Variants in ZNF766 observed in about 807,000 individuals in gnomAD.
ZNF766 encodes the protein zinc finger protein 766.
Under a neutral mutation model 13.2 loss-of-function variants are expected in ZNF766, and 13 were observed. The observed-to-expected ratio is 0.98, with a 90% CI of 0.64 to 1.56. ZNF766 has a LOEUF of 1.56. Among genes scored for constraint, ZNF766 ranks in the 40% most tolerant of loss-of-function variants. ZNF766 has a pLI of 0.00. For synonymous variants in ZNF766, 178 were observed against 187.6 expected (o/e 0.95, Z 0.42); for missense variants, 521 against 552.2 (o/e 0.94, Z 0.57).
rs1242062550 is a variant in ZNF766 at position 52,275,710 on chromosome 19, C to T, written c.18+6079C>T. The T allele has an allele frequency of 4.8e-5, 7 of 144,792 alleles. No individual in the cohort carries two copies. The Admixed American group carries it at 5.0e-4, about 10-fold the overall frequency. The allele number at this position is 144,792 out of a possible 1,614,324, so 9.0% of individuals were successfully genotyped here. ...TTTTTTTTTGAGACAGAATCTCACT[C>T]TGTCACCCAGGCCGGAGTGCAGTGC... On this transcript the variant is annotated intron_variant, in intron 1 of 3. Coordinates refer to ENST00000439461, the MANE Select transcript of ZNF766 (RefSeq NM_001010851.3).
chr19:52,285,837 T>C (rs1215930304), intron 3 of ZNF766, among the ~76,000 whole-genome samples: 1 of 152,160 alleles, frequency 6.6e-6, no homozygotes, highest in Non-Finnish European at 1.5e-5. Context: ...GGAGAGGTTA[T>C]TTTTCTTAAG....
In ZNF766 at chr19:52,296,008, GTTGAGT is replaced by G. The variant is rs1982331310; in HGVS notation, c.*4813_*4818del. On this transcript the variant is annotated 3_prime_UTR_variant, in exon 4 of 4. Coordinates refer to ENST00000439461, the MANE Select transcript of ZNF766 (RefSeq NM_001010851.3). ...GGGGTAATTTCACATTTTTTTCTAT[GTTGAGT>G]TTATCAATAAATTGATATTGTATAT... 1 of 151,694 alleles carries G rather than the reference GTTGAGT, an allele frequency of 6.6e-6. No individual in the cohort carries two copies. The highest frequency in any genetic ancestry group is 2.4e-5 in the African/African-American group (1 of 41,248). 9.4% of individuals were successfully genotyped at this position (151,694 alleles called of 1,614,324 possible). A position where few individuals can be genotyped will look rare whatever the true frequency, so the allele number is the denominator to read the frequency against.
chr19:52,282,716 A>T (rs1274866027), intron 2 of ZNF766: 1 of 154,862 alleles, frequency 6.5e-6, no homozygotes, highest in Non-Finnish European at 1.4e-5. Context: ...CTTTCTTCAG[A>T]CATTCTGTAT....
At chr19:52,275,277 TA>T (rs1044834375) in intron 1 of ZNF766, among the ~76,000 whole-genome samples, 10 of 151,406 alleles carry the variant, frequency 6.6e-5, no homozygotes, top group African/African-American at 1.5e-4. Context: ...TTAAAAAGGT[TA>T]AAAAAAAATT....
chr19:52,288,114 A>G (rs28720915), intron 3 of ZNF766: 16,373 of 341,924 alleles, frequency 0.048, 1,279 homozygotes, highest in African/African-American at 0.23. Flanking sequence ...TCCGCCTCCC[A>G]GGTTCAAGCA....
chr19:52,289,816 C>T (rs374671769), intron 3 of ZNF766, among the ~76,000 whole-genome samples: 8 of 152,012 alleles, frequency 5.3e-5, no homozygotes, highest in Non-Finnish European at 1.0e-4. Flanking sequence ...CTGGCTAACA[C>T]AGTGAAACCC....
chr19:52,278,825 G>C (rs1981343427), intron 1 of ZNF766, among the ~76,000 whole-genome samples: 1 of 152,222 alleles, frequency 6.6e-6, no homozygotes, highest in Non-Finnish European at 1.5e-5. Flanking sequence ...TCTGTAGGTT[G>C]TCTGCTCACT....
intron 1 of ZNF766, 72 bp from the exon 2 acceptor site, chr19:52,282,039 C>T: frequency 6.5e-7 from 1 of 1,548,182 alleles, no homozygotes; most frequent in Non-Finnish European, 8.8e-7. Context: ...GTCCTTACAA[C>T]CCTCTTCTCA....
At chr19:52,271,377 G>C (rs1236257387) in intron 1 of ZNF766, among the ~76,000 whole-genome samples, 1 of 152,082 alleles carries the variant, frequency 6.6e-6, no homozygotes, top group East Asian at 1.9e-4. Flanking sequence ...CAGAGAACTG[G>C]TCAGTATGCG....
At position 52,290,269 on chromosome 19, in the gene ZNF766, A is replaced by G. The variant is rs755159538; in HGVS notation, c.478A>G (p.Ile160Val). The stretch of plus-strand genomic sequence containing the variant: ...AATTTACTCTGGGGTCAAAACCCAC[A>G]TATTTAATAAACATAGGAATGATTT... ...QRIYSGVKTH[I>V]FNKHRNDFVD... Residue 160 changes from isoleucine (I) to valine (V), a missense_variant, in exon 4 of 4, where the codon ATA (isoleucine) becomes GTA (valine). Coordinates refer to ENST00000439461, the MANE Select transcript of ZNF766 (RefSeq NM_001010851.3). 1 of 1,613,758 alleles carries G rather than the reference A, an allele frequency of 6.2e-7. No homozygotes were observed. The highest frequency in any genetic ancestry group is 8.5e-7 in the Non-Finnish European group (1 of 1,179,898).
In ZNF766 at chr19:52,283,311, A is replaced by G. The variant is rs768599205; in HGVS notation, c.172A>G (p.Ile58Val). 14 of 1,613,828 alleles carry G rather than the reference A, an allele frequency of 8.7e-6. No homozygotes were observed. The highest frequency in any genetic ancestry group is 1.1e-5 in the Non-Finnish European group (13 of 1,179,918). The change falls in exon 3 of 4, where the codon ATC becomes GTC. Residue 58 changes from isoleucine (I) to valine (V), a missense_variant. Transcript: ENST00000439461. ...LGICLPDLSIISMMKQRTEPW... is the reference protein window; with the variant it reads ...LGICLPDLSIVSMMKQRTEPW... ...AATCTGTCTTCCTGACCTGAGTATT[A>G]TCTCCATGATGAAGCAAAGGACAGA... is the stretch of plus-strand genomic sequence containing the variant.
In ZNF766 at chr19:52,295,749, T is replaced by C. The variant is rs889392129; in HGVS notation, c.*4551T>C. Reference sequence around the variant, plus strand: ...TTATTTATTTTTTTGAGATGGAGTTTCACTCTTGTTGCCTAAGCTGGAGTG... The same window carrying C: ...TTATTTATTTTTTTGAGATGGAGTTCCACTCTTGTTGCCTAAGCTGGAGTG... On this transcript the variant is annotated 3_prime_UTR_variant, in exon 4 of 4. Transcript: ENST00000439461. 6.6e-6 allele frequency: 1 copy of C among 152,154 alleles called. No homozygotes were observed. The highest frequency in any genetic ancestry group is 1.9e-4 in the East Asian group (1 of 5,202). The allele number at this position is 152,154 out of a possible 1,614,324, so 9.4% of individuals were successfully genotyped here.
Position 52,291,073 on chromosome 19 carries a change from A to T in ZNF766, c.1282A>T (p.Asn428Tyr). 1 of 1,614,088 alleles carries T rather than the reference A, an allele frequency of 6.2e-7. No individual in the cohort carries two copies. Among genetic ancestry groups the T allele is most frequent in the Middle Eastern group, 1.6e-4 (1 of 6,062 alleles). ...KVFTQNSHLANHQRIHTGEKP... is the reference protein window; with the variant it reads ...KVFTQNSHLAYHQRIHTGEKP... ...CTTCACTCAGAATTCACACCTTGCA[A>T]ATCATCAGAGAATCCACACTGGAGA... The change falls in exon 4 of 4, where the codon AAT (asparagine) becomes TAT (tyrosine). Residue 428 changes from asparagine to tyrosine, a missense_variant. By Grantham distance (143) the Asn-to-Tyr change is moderately radical. Coordinates refer to ENST00000439461, the MANE Select transcript of ZNF766 (RefSeq NM_001010851.3).
chr19:52,290,811 A>G lies in ZNF766; in HGVS notation c.1020A>G (p.Ser340=), dbSNP rs762813347. The G allele has an allele frequency of 2.3e-5, 37 of 1,613,898 alleles. No individual in the cohort carries two copies. The highest frequency in any genetic ancestry group is 2.9e-5 in the Non-Finnish European group (34 of 1,179,918). Residue 340 remains serine, a synonymous_variant, in exon 4 of 4, where the codon TCA becomes TCG. Coordinates refer to ENST00000439461, the MANE Select transcript of ZNF766 (RefSeq NM_001010851.3). ...GTGGCAAAGAATTTAGTGGGCATTC[A>G]AGCCTCACCACCCATCTGTTAATCC... ...NKCGKEFSGH[S]SLTTHLLIHT...
rs555048934 is a variant in ZNF766 at position 52,291,434 on chromosome 19, C to T, written c.*236C>T. The T allele has an allele frequency of 1.3e-4, 58 of 443,998 alleles. 1 individual carries two copies. In the South Asian group the frequency reaches 1.8e-3, roughly 14 times the overall value. The allele number at this position is 443,998 out of a possible 1,614,324, so 27.5% of individuals were successfully genotyped here. A position where few individuals can be genotyped will look rare whatever the true frequency, so the allele number is the denominator to read the frequency against. On this transcript the variant is annotated 3_prime_UTR_variant, in exon 4 of 4. Transcript: ENST00000439461. Reference sequence around the variant, plus strand: ...GATGTGTATAAAGGGTGCAAGGACACGTGGAAATGATCTGTAATATTCGGG... The same window carrying T: ...GATGTGTATAAAGGGTGCAAGGACATGTGGAAATGATCTGTAATATTCGGG...
chr19:52,284,253 A>C (rs1981697500), intron 3 of ZNF766, among the ~76,000 whole-genome samples: 1 of 152,096 alleles, frequency 6.6e-6, no homozygotes, highest in Non-Finnish European at 1.5e-5. Flanking sequence ...ATTTTATCTG[A>C]TGCTCAGTTC....
Position 52,291,533 on chromosome 19 carries a change from T to A in ZNF766, c.*335T>A. 1 of 204,778 alleles carries A rather than the reference T, an allele frequency of 4.9e-6. No individual in the cohort carries two copies. The highest frequency in any genetic ancestry group is 9.9e-6 in the Non-Finnish European group (1 of 101,110). 12.7% of individuals were successfully genotyped at this position (204,778 alleles called of 1,614,324 possible). On this transcript the variant is annotated 3_prime_UTR_variant, in exon 4 of 4. Coordinates refer to ENST00000439461, the MANE Select transcript of ZNF766 (RefSeq NM_001010851.3). Reference sequence around the variant, plus strand: ...TAGCACTTTGGGAGGTTGAGGCAGGTGGATCACAAGGTCAGGAGTTTGAGA... The same window carrying A: ...TAGCACTTTGGGAGGTTGAGGCAGGAGGATCACAAGGTCAGGAGTTTGAGA...
At chr19:52,272,697 T>G (rs533280839) in intron 1 of ZNF766, among the ~76,000 whole-genome samples, 6 of 152,198 alleles carry the variant, frequency 3.9e-5, no homozygotes, top group Non-Finnish European at 7.4e-5. Flanking sequence ...CTCAAAACTC[T>G]TCTCATCTCT....
intron 3 of ZNF766, among the ~76,000 whole-genome samples, chr19:52,288,601 C>T (rs1007820057): frequency 6.7e-6 from 1 of 150,260 alleles, no homozygotes; most frequent in Non-Finnish European, 1.5e-5. Context: ...ACTTTGTTGC[C>T]TAGGCTGGTC....
Sources: allele counts gnomAD v4.1 joint callset (sites outside exome capture counted in the v4.1 genomes callset), GRCh38; gene constraint gnomAD v4.1.1; transcripts MANE v1.5; gene names NCBI Gene and HGNC (gene_info 2026-07-23, HGNC 2026-07-21).